The following TERF2 variants were observed in gnomAD, a reference collection of about 807,000 sequenced individuals.
TERF2 encodes telomeric repeat-binding factor 2.
A neutral mutation model predicts 56.1 loss-of-function variants in TERF2; 16 were observed. The observed-to-expected ratio is 0.29, with a 90% CI of 0.19 to 0.43. The LOEUF (loss-of-function observed/expected upper bound fraction) is 0.43, where lower values mean the gene tolerates loss of function less well. Ranked by LOEUF, TERF2 falls within the 20% of genes least tolerant of loss-of-function variation. The pLI is 1.00. For synonymous variants in TERF2, 296 were observed against 282.1 expected (o/e 1.05, Z -0.50); for missense variants, 547 against 712.9 (o/e 0.77, Z 2.65).
In TERF2 at chr16:69,370,470, G is replaced by A. The variant is rs1340757067; in HGVS notation, c.840+13C>T. On this transcript the variant is annotated intron_variant, in intron 5 of 9. Transcript: ENST00000254942. ...GGGCACACCATGGTTATGGGAGAAG[G>A]GCCAAGGCGCACCGTGAGGAGGTAG... is the stretch of plus-strand genomic sequence containing the variant. 1 of 1,613,856 alleles carries A rather than the reference G, an allele frequency of 6.2e-7. No homozygotes were observed. The highest frequency in any genetic ancestry group is 1.1e-5 in the South Asian group (1 of 91,036).
chr16:69,366,844 C>T lies in TERF2; in HGVS notation c.1303G>A (p.Val435Ile), dbSNP rs372828670. Residue 435 changes from valine to isoleucine, a missense_variant, in exon 7 of 10, where the codon GTT (valine) becomes ATT (isoleucine). Transcript: ENST00000254942. ...AASAPPSKPT[V>I]LNQPLPGEKN... ...TCTCCAGGGAGGGGTTGGTTGAGAACGGTGGGCTTGGATGGTGGCGCTGAA... is the reference window on the plus strand; with the variant it reads ...TCTCCAGGGAGGGGTTGGTTGAGAATGGTGGGCTTGGATGGTGGCGCTGAA... The T allele has an allele frequency of 6.8e-6, 11 of 1,613,902 alleles. No homozygotes were observed. The highest frequency in any genetic ancestry group is 4.5e-5 in the East Asian group (2 of 44,886).
At chr16:69,357,918 G>T (rs2012971757) in intron 8 of TERF2, among the ~76,000 whole-genome samples, 1 of 147,634 alleles carries the variant, frequency 6.8e-6, no homozygotes, top group African/African-American at 2.5e-5. Context: ...GCGCTATCTC[G>T]GCTCACTGCA....
chr16:69,356,865 C>A lies in TERF2; in HGVS notation c.*33G>T. ...TCAGGGGCTATTATTAGGAACCATG[C>A]TCCTGTGAATTCTGTGGAAATGAAA... On this transcript the variant is annotated 3_prime_UTR_variant, in exon 10 of 10. Transcript: ENST00000254942. 1 of 1,582,390 alleles carries A rather than the reference C, an allele frequency of 6.3e-7. No individual in the cohort carries two copies. Among genetic ancestry groups the A allele is most frequent in the Non-Finnish European group, 8.6e-7 (1 of 1,166,140 alleles).
At position 69,385,533 on chromosome 16, in the gene TERF2, C is replaced by T. The variant is rs777331893; in HGVS notation, c.380-47G>A. On this transcript the variant is annotated intron_variant, in intron 1 of 9. Coordinates refer to ENST00000254942, the MANE Select transcript of TERF2 (RefSeq NM_005652.5). ...GCTGGGCGACCCCCAGTCCCGACTC[C>T]CGGTCCCCCGGACCCCCTTCCCCGG... 6.2e-6 allele frequency: 10 copies of T among 1,610,654 alleles called. No individual in the cohort carries two copies. In the East Asian group the frequency reaches 8.9e-5, roughly 14 times the overall value.
At chr16:69,357,495 C>T (rs1364404494) in intron 9 of TERF2, 23 bp downstream of exon 9, 2 of 1,605,580 alleles carry the variant, frequency 1.2e-6, no homozygotes, top group East Asian at 4.5e-5. Flanking sequence ...TAACCAGTAA[C>T]AGAAAAGAGA....
chr16:69,379,956 G>A (rs2013934369), intron 3 of TERF2, among the ~76,000 whole-genome samples: 1 of 151,990 alleles, frequency 6.6e-6, no homozygotes, highest in South Asian at 2.1e-4. Flanking sequence ...CTGTCACCCA[G>A]GCTGGAGTGC....
Position 69,357,059 on chromosome 16 carries a change from G to A in TERF2, c.1471-3C>T, listed in dbSNP as rs1294912551. On this transcript the variant is annotated splice_region_variant and splice_polypyrimidine_tract_variant and intron_variant, in intron 9 of 9. Transcript: ENST00000254942. ...TCGCTTTCTTCTACAGTCCACTTCT[G>A]CAAAAGAAAACCAAAAGATTTATTA... 4.4e-6 allele frequency: 7 copies of A among 1,600,450 alleles called. No individual in the cohort carries two copies. The highest frequency in any genetic ancestry group is 6.0e-6 in the Non-Finnish European group (7 of 1,175,552).
At chr16:69,360,776 T>C (rs1289094348) in intron 8 of TERF2, among the ~76,000 whole-genome samples, 1 of 144,030 alleles carries the variant, frequency 6.9e-6, no homozygotes, top group Non-Finnish European at 1.5e-5. Context: ...AAACAAGAAA[T>C]GCAGGGAATG....
chr16:69,365,185 A>G (rs1375217363), intron 7 of TERF2: 1 of 152,238 alleles, frequency 6.6e-6, no homozygotes, highest in Non-Finnish European at 1.5e-5. Flanking sequence ...CGGGAGCAAT[A>G]CCTATAGTGC....
At chr16:69,377,121 T>G (rs1427872058) in intron 3 of TERF2, among the ~76,000 whole-genome samples, 1 of 150,592 alleles carries the variant, frequency 6.6e-6, no homozygotes, top group Non-Finnish European at 1.5e-5. Context: ...GAGAATCGCT[T>G]AAACCTAGGA....
chr16:69,379,586 A>G (rs147524739), intron 3 of TERF2, among the ~76,000 whole-genome samples: 3,255 of 152,302 alleles, frequency 0.021, 120 homozygotes, highest in African/African-American at 0.073. Flanking sequence ...ATTCTTTTAT[A>G]TTCTTCTTAA....
At chr16:69,359,255 T>A (rs1478346649) in intron 8 of TERF2, among the ~76,000 whole-genome samples, 1 of 152,286 alleles carries the variant, frequency 6.6e-6, no homozygotes, top group Non-Finnish European at 1.5e-5. Flanking sequence ...TGGCTGGGTG[T>A]GGTGGCTCAC....
At chr16:69,367,299 G>T in intron 6 of TERF2, 100 bp from the exon 7 acceptor site, 1 of 1,300,688 alleles carries the variant, frequency 7.7e-7, no homozygotes, top group Admixed American at 2.5e-5. Context: ...AATTCCAGTT[G>T]AGGAGGCTTT....
chr16:69,376,630 G>C (rs1424318042), intron 3 of TERF2, among the ~76,000 whole-genome samples: 3 of 150,150 alleles, frequency 2.0e-5, no homozygotes, highest in Non-Finnish European at 4.4e-5. Context: ...AGCGTCACTT[G>C]AGCCCAGGAG....
At chr16:69,369,749 G>T in intron 5 of TERF2, among the ~76,000 whole-genome samples, 1 of 152,146 alleles carries the variant, frequency 6.6e-6, no homozygotes, top group East Asian at 1.9e-4. Flanking sequence ...TCCAATTAAA[G>T]AATGTTTTCA....
At chr16:69,357,718 C>T in intron 8 of TERF2, 157 bp from the exon 9 acceptor site, 1 of 372,038 alleles carries the variant, frequency 2.7e-6, no homozygotes, top group Middle Eastern at 1.3e-3. Context: ...TACTTTTCTC[C>T]TTTATTTGCA....
chr16:69,376,915 G>A (rs1383733020), intron 3 of TERF2, among the ~76,000 whole-genome samples: 2 of 147,732 alleles, frequency 1.4e-5, no homozygotes, highest in Non-Finnish European at 3.0e-5. Flanking sequence ...AGAAAATCCC[G>A]CTAGGCTGGG....
chr16:69,385,574 C>G lies in TERF2; in HGVS notation c.379+19G>C. The G allele has an allele frequency of 6.3e-7, 1 of 1,587,094 alleles. No homozygotes were observed. Among genetic ancestry groups the G allele is most frequent in the Non-Finnish European group, 8.6e-7 (1 of 1,158,292 alleles). On this transcript the variant is annotated intron_variant, in intron 1 of 9. Transcript: ENST00000254942. ...CCTTCCCCGGCGCTCCAACCCCCCT[C>G]CCCCGGCCCGGCCCTCACCCTGCAT...
chr16:69,378,950 T>TTGGG (rs1491586674), intron 3 of TERF2, among the ~76,000 whole-genome samples: 3 of 141,854 alleles, frequency 2.1e-5, no homozygotes, highest in African/African-American at 7.9e-5. Flanking sequence ...TAATTTCCTG[T>TTGGG]GGGGGGGGGG....
Sources: gnomAD v4.1 joint callset for allele counts (sites outside exome capture counted in the v4.1 genomes callset) on GRCh38, gnomAD v4.1.1 for gene constraint, MANE v1.5 for transcripts, NCBI Gene and HGNC (gene_info 2026-07-23, HGNC 2026-07-21) for gene names.